FHIT: variants seen among roughly 807,000 people sequenced by gnomAD.
FHIT encodes fragile histidine triad diadenosine triphosphatase.
A neutral mutation model predicts 17.9 loss-of-function variants in FHIT; 19 were observed. The ratio of observed to expected loss-of-function variants is 1.06; its 90% CI spans 0.74 to 1.56. The LOEUF (loss-of-function observed/expected upper bound fraction) is 1.56. Among genes scored for constraint, FHIT ranks in the 40% most tolerant of loss-of-function variants. The pLI is 0.00. For synonymous variants in FHIT, 81 were observed against 69.7 expected (o/e 1.16, Z -0.81); for missense variants, 248 against 189.2 (o/e 1.31, Z -1.82).
At chr3:60,928,723 A>G (rs7645256) in intron 3 of FHIT, among the ~76,000 whole-genome samples, 130 of 152,258 alleles carry the variant, frequency 8.5e-4, no homozygotes, top group African/African-American at 3.1e-3. Context: ...GGCAACAATT[A>G]ATAGCTTACC....
At chr3:59,829,821 C>A (rs1240222794) in intron 8 of FHIT, among the ~76,000 whole-genome samples, 1 of 152,100 alleles carries the variant, frequency 6.6e-6, no homozygotes, top group African/African-American at 2.4e-5. Flanking sequence ...GAAAATAGAT[C>A]TCTTATAAGG....
rs533417147 is a variant in FHIT, at chr3:59,790,382, A to C, written c.349-38061T>G. Among the ~76,000 whole-genome samples the C allele has an allele frequency of 5.9e-5, 9 of 152,316 alleles. No homozygotes were observed. In the South Asian group the frequency reaches 1.9e-3, roughly 32 times the overall value. ...GGTAGAGGGCAAATTAACCATTTGG[A>C]CAGTAGGAAAAGGAGGCATTTTAAG... On this transcript the variant is annotated intron_variant, in intron 8 of 9. Transcript: ENST00000492590.
chr3:60,840,072 G>A (rs1298337657), intron 3 of FHIT, among the ~76,000 whole-genome samples: 4 of 151,924 alleles, frequency 2.6e-5, no homozygotes, highest in South Asian at 2.1e-4. Flanking sequence ...CCTCTTTAGA[G>A]GAAAGATATC....
At chr3:60,987,947 C>T (rs1212795862) in intron 3 of FHIT, among the ~76,000 whole-genome samples, 1 of 152,184 alleles carries the variant, frequency 6.6e-6, no homozygotes, top group Admixed American at 6.5e-5. Flanking sequence ...GCTCTGCCTT[C>T]TTTTCCATCC....
chr3:59,924,646 A>G (rs542659583), intron 7 of FHIT, among the ~76,000 whole-genome samples: 1 of 152,384 alleles, frequency 6.6e-6, no homozygotes, highest in African/African-American at 2.4e-5. Context: ...AAGATCAAGT[A>G]GACATCACAT....
chr3:59,969,550 A>AAAAAC (rs1210340054), intron 7 of FHIT, among the ~76,000 whole-genome samples: 1 of 152,090 alleles, frequency 6.6e-6, no homozygotes, highest in East Asian at 1.9e-4. Flanking sequence ...TGGCTCTGGT[A>AAAAAC]AAAACAAAAC....
intron 3 of FHIT, among the ~76,000 whole-genome samples, chr3:60,848,455 T>C (rs1344302242): frequency 6.6e-6 from 1 of 152,098 alleles, no homozygotes; most frequent in African/African-American, 2.4e-5. Flanking sequence ...TGACTAGAGT[T>C]ACAGCACATT....
intron 2 of FHIT, among the ~76,000 whole-genome samples, chr3:61,047,397 T>G (rs1256563659): frequency 1.3e-5 from 2 of 152,098 alleles, no homozygotes; most frequent in African/African-American, 4.8e-5. Flanking sequence ...TCAAAGAGAA[T>G]AAAATGCCTA....
chr3:61,221,314 AATAGCACAGGTCCTCTCCCAAACTCT>A (rs2039831190), intron 1 of FHIT, among the ~76,000 whole-genome samples: 1 of 152,232 alleles, frequency 6.6e-6, no homozygotes, highest in South Asian at 2.1e-4. Flanking sequence ...CTCTGTTCCC[AATAGCACAGGTCCTCTCCCAAACTCT>A]AATAGCCTGA....
At chr3:60,056,228 C>G (rs1347137945) in intron 5 of FHIT, among the ~76,000 whole-genome samples, 1 of 152,158 alleles carries the variant, frequency 6.6e-6, no homozygotes, top group African/African-American at 2.4e-5. Context: ...TTAAGAGACA[C>G]ACAGAGGGAA....
intron 8 of FHIT, among the ~76,000 whole-genome samples, chr3:59,837,492 T>C (rs2605434): frequency 0.81 from 123,000 of 151,976 alleles, 52,353 homozygotes; most frequent in South Asian, 0.97. Flanking sequence ...CCCCAAATAT[T>C]TCCAATCCTC....
intron 5 of FHIT, among the ~76,000 whole-genome samples, chr3:60,380,144 T>C (rs932566328): frequency 1.3e-5 from 2 of 152,150 alleles, no homozygotes; most frequent in African/African-American, 4.8e-5. Context: ...ATCCCCAAAG[T>C]TGGAGGTGGG....
At chr3:60,027,133 ACACAC>A (rs1263438693) in intron 5 of FHIT, among the ~76,000 whole-genome samples, 5 of 133,260 alleles carry the variant, frequency 3.8e-5, no homozygotes, top group African/African-American at 1.5e-4. Flanking sequence ...ACACACACAC[ACACAC>A]ACACACACAC....
chr3:60,015,965 T>C (rs1378294051), intron 5 of FHIT, among the ~76,000 whole-genome samples: 2 of 152,350 alleles, frequency 1.3e-5, no homozygotes, highest in South Asian at 2.1e-4. Context: ...CAGATAGCTT[T>C]TGTAATTCTA....
At chr3:60,134,892 T>G (rs1308002967) in intron 5 of FHIT, among the ~76,000 whole-genome samples, 1 of 151,858 alleles carries the variant, frequency 6.6e-6, no homozygotes, top group East Asian at 1.9e-4. Flanking sequence ...TCCAGCAGAG[T>G]CTGCCTTGGT....
intron 3 of FHIT, among the ~76,000 whole-genome samples, chr3:60,914,184 A>C (rs1706884085): frequency 6.6e-6 from 1 of 152,078 alleles, no homozygotes; most frequent in African/African-American, 2.4e-5. Context: ...CAATTACACA[A>C]CTATATGCGA....
intron 4 of FHIT, among the ~76,000 whole-genome samples, chr3:60,663,114 T>C (rs888366904): frequency 4.6e-5 from 4 of 87,294 alleles, no homozygotes; most frequent in African/African-American, 1.8e-4. Context: ...ACCATGTTGG[T>C]TTGATTACTA....
intron 5 of FHIT, among the ~76,000 whole-genome samples, chr3:60,145,473 G>A (rs1263424605): frequency 6.6e-6 from 1 of 152,050 alleles, no homozygotes; most frequent in Non-Finnish European, 1.5e-5. Flanking sequence ...AATGCATTTT[G>A]CCTCCAATTT....
chr3:60,576,333 G>C (rs1559552992), intron 4 of FHIT, among the ~76,000 whole-genome samples: 1 of 152,140 alleles, frequency 6.6e-6, no homozygotes, highest in South Asian at 2.1e-4. Flanking sequence ...AGGAAGCACA[G>C]AAGAGGGGTC....
Sources: allele counts gnomAD v4.1 joint callset (sites outside exome capture counted in the v4.1 genomes callset), GRCh38; gene constraint gnomAD v4.1.1; transcripts MANE v1.5; gene names NCBI Gene and HGNC (gene_info 2026-07-23, HGNC 2026-07-21).